HMGA2: variants seen among roughly 807,000 people sequenced by gnomAD.
HMGA2 encodes high mobility group protein HMGI-C.
In HMGA2, 8 loss-of-function variants were observed where a neutral mutation model predicts 19.1. The ratio of observed to expected loss-of-function variants is 0.42; its 90% confidence interval spans 0.25 to 0.76. HMGA2 has a LOEUF of 0.76. Ranked by LOEUF, HMGA2 falls within the 30% of genes least tolerant of loss-of-function variation. The probability of loss-of-function intolerance (pLI) is 0.28; values close to 1 mark genes in which losing one functional copy is unlikely to be tolerated. For missense variants in HMGA2, 109 were observed against 136.3 expected (o/e 0.80, Z 1.00); for synonymous variants, 60 against 48.8 (o/e 1.23, Z -0.96).
intron 2 of HMGA2, chr12:65,828,537 C>A: frequency 5.6e-6 from 1 of 179,748 alleles, no homozygotes; most frequent in South Asian, 1.2e-4. Flanking sequence ...CTACTGCAAA[C>A]CAAATCCCCC....
intron 3 of HMGA2, among the ~76,000 whole-genome samples, chr12:65,866,210 G>A (rs981855091): frequency 6.6e-6 from 1 of 152,176 alleles, no homozygotes; most frequent in African/African-American, 2.4e-5. Flanking sequence ...TAGATATTTG[G>A]AGAGACACTG....
At chr12:65,945,092 C>T (rs1427281293) in intron 3 of HMGA2, among the ~76,000 whole-genome samples, 1 of 151,650 alleles carries the variant, frequency 6.6e-6, no homozygotes, top group Non-Finnish European at 1.5e-5. Context: ...CGTTGAGGGG[C>T]CTCAGGGGCA....
At chr12:65,867,984 T>C (rs1447526842) in intron 3 of HMGA2, among the ~76,000 whole-genome samples, 1 of 152,236 alleles carries the variant, frequency 6.6e-6, no homozygotes, top group Non-Finnish European at 1.5e-5. Flanking sequence ...TGAAAACAGA[T>C]GTCACAAGCA....
At chr12:65,935,766 G>A (rs1320360881) in intron 3 of HMGA2, among the ~76,000 whole-genome samples, 2 of 152,032 alleles carry the variant, frequency 1.3e-5, no homozygotes, top group African/African-American at 4.8e-5. Flanking sequence ...TTCAAATCCT[G>A]AAATGTAATT....
chr12:65,827,935 A>G, intron 1 of HMGA2, 66 bp from the exon 2 acceptor site: 1 of 1,117,040 alleles, frequency 9.0e-7, no homozygotes, highest in African/African-American at 1.5e-5. Flanking sequence ...ATATAGCTAA[A>G]GAGTCAGGGT....
At chr12:65,898,203 C>T (rs1206645614) in intron 3 of HMGA2, among the ~76,000 whole-genome samples, 1 of 152,166 alleles carries the variant, frequency 6.6e-6, no homozygotes, top group South Asian at 2.1e-4. Context: ...TACCTCAATA[C>T]ATTTTAAAAT....
chr12:65,922,526 G>A (rs1015831901), intron 3 of HMGA2, among the ~76,000 whole-genome samples: 2 of 152,212 alleles, frequency 1.3e-5, no homozygotes, highest in Admixed American at 1.3e-4. Context: ...TATCTAGGAA[G>A]TAACTAGCTT....
chr12:65,877,121 T>C (rs1181911919), intron 3 of HMGA2: 5 of 152,244 alleles, frequency 3.3e-5, no homozygotes, highest in Non-Finnish European at 7.3e-5. Context: ...GAATTCATTG[T>C]TCTTGTTTGA....
rs548742453 is a variant in HMGA2, at chr12:65,824,672, T to A, written c.-599T>A. 4.0e-5 allele frequency: 9 copies of A among 227,340 alleles called. No homozygotes were observed. The South Asian group carries it at 9.4e-4, about 24-fold the overall frequency. 14.1% of individuals were successfully genotyped at this position (227,340 alleles called of 1,614,324 possible). ...TCCCGGCGGAGTCTCCCCATCCTCC[T>A]TTGCTTTCCGACTGCCCAAGGCACT... On this transcript the variant is annotated 5_prime_UTR_variant, in exon 1 of 5. Coordinates refer to ENST00000403681, the MANE Select transcript of HMGA2 (RefSeq NM_003483.6).
At chr12:65,919,626 A>C (rs1875231862) in intron 3 of HMGA2, among the ~76,000 whole-genome samples, 1 of 152,242 alleles carries the variant, frequency 6.6e-6, no homozygotes, top group Non-Finnish European at 1.5e-5. Context: ...AAGACAGATA[A>C]AGAGAACCAC....
chr12:65,824,826 A>G lies in HMGA2; in HGVS notation c.-445A>G. The G allele has an allele frequency of 4.2e-6, 1 of 240,162 alleles. No individual in the cohort carries two copies. The highest frequency in any genetic ancestry group is 8.1e-6 in the Non-Finnish European group (1 of 123,558). The allele number at this position is 240,162 out of a possible 1,614,324, so 14.9% of individuals were successfully genotyped here. A position where few individuals can be genotyped will look rare whatever the true frequency, so the allele number is the denominator to read the frequency against. On this transcript the variant is annotated 5_prime_UTR_variant, in exon 1 of 5. Coordinates refer to ENST00000403681, the MANE Select transcript of HMGA2 (RefSeq NM_003483.6). ...TTCCCCGCCTAACATTTCAAGGGACACAATTCACTCCAAGTCTCTTCCCTT... is the reference window on the plus strand; with the variant it reads ...TTCCCCGCCTAACATTTCAAGGGACGCAATTCACTCCAAGTCTCTTCCCTT...
Position 65,943,512 on chromosome 12 carries a change from G to T in HMGA2, c.250-7871G>T, listed in dbSNP as rs1876160369. Among the ~76,000 whole-genome samples the T allele has an allele frequency of 3.3e-5, 5 of 152,206 alleles. 1 individual carries two copies. In the South Asian group the frequency reaches 1.0e-3, roughly 32 times the overall value. ...TTGAGCAGATGAAACAAGGCCAGCA[G>T]CAGTGAGGGCACTTTGCTATAATAA... On this transcript the variant is annotated intron_variant, in intron 3 of 4. Coordinates refer to ENST00000403681, the MANE Select transcript of HMGA2 (RefSeq NM_003483.6).
intron 3 of HMGA2, among the ~76,000 whole-genome samples, chr12:65,840,555 A>G (rs1870953175): frequency 6.6e-6 from 1 of 152,190 alleles, no homozygotes; most frequent in Non-Finnish European, 1.5e-5. Flanking sequence ...GTAACTGAGG[A>G]GGAAGCTGCA....
chr12:65,909,279 C>A (rs1293001055), intron 3 of HMGA2, among the ~76,000 whole-genome samples: 1 of 152,058 alleles, frequency 6.6e-6, no homozygotes, highest in Non-Finnish European at 1.5e-5. Context: ...GGAACTGCCC[C>A]ATTTAATATA....
chr12:65,885,349 G>T (rs1873611216), intron 3 of HMGA2, among the ~76,000 whole-genome samples: 2 of 152,034 alleles, frequency 1.3e-5, no homozygotes, highest in Admixed American at 1.3e-4. Flanking sequence ...ATATTTCTCA[G>T]ATACAAAGGA....
intron 3 of HMGA2, among the ~76,000 whole-genome samples, chr12:65,885,350 A>G (rs1873611358): frequency 6.6e-6 from 1 of 152,156 alleles, no homozygotes; most frequent in African/African-American, 2.4e-5. Context: ...TATTTCTCAG[A>G]TACAAAGGAT....
intron 3 of HMGA2, chr12:65,881,455 T>A (rs1233907241): frequency 2.1e-6 from 1 of 465,520 alleles, no homozygotes; most frequent in Non-Finnish European, 3.8e-6. Flanking sequence ...AAGACTTGGC[T>A]AAAAAAAACC....
chr12:65,960,965 A>G (rs939704727), intron 4 of HMGA2, among the ~76,000 whole-genome samples: 8 of 152,226 alleles, frequency 5.3e-5, no homozygotes, highest in South Asian at 2.1e-4. Context: ...TCCATCTAGT[A>G]CAAGGTCTTT....
chr12:65,826,245 G>A (rs1424942675), intron 1 of HMGA2: 2 of 152,326 alleles, frequency 1.3e-5, no homozygotes, highest in Admixed American at 1.3e-4. Flanking sequence ...AGTAGGGGAC[G>A]ATCGAGGGGC....
Sources: gnomAD v4.1 joint callset for allele counts (sites outside exome capture counted in the v4.1 genomes callset) on GRCh38, gnomAD v4.1.1 for gene constraint, MANE v1.5 for transcripts, NCBI Gene and HGNC (gene_info 2026-07-23, HGNC 2026-07-21) for gene names.